Variants in MET observed in about 807,000 individuals in gnomAD.
MET encodes MET proto-oncogene, receptor tyrosine kinase.
A neutral mutation model predicts 133.1 loss-of-function variants in MET; 48 were observed. The ratio of observed to expected loss-of-function variants is 0.36; its 90% CI spans 0.29 to 0.46. MET has a LOEUF of 0.46. Among genes scored for constraint, MET ranks in the 20% least tolerant of loss-of-function variants. MET has a pLI of 1.00. For synonymous variants in MET, 628 were observed against 616.5 expected (o/e 1.02, Z -0.28); for missense variants, 1,442 against 1,695.9 (o/e 0.85, Z 2.63).
chr7:116,718,164 G>T (rs1187052314), intron 2 of MET, among the ~76,000 whole-genome samples: 1 of 152,118 alleles, frequency 6.6e-6, no homozygotes, highest in Non-Finnish European at 1.5e-5. Context: ...CGAGACAGGT[G>T]GATCACAAGG....
At chr7:116,777,833 T>C (rs988503943) in intron 16 of MET, among the ~76,000 whole-genome samples, 19 of 152,336 alleles carry the variant, frequency 1.2e-4, no homozygotes, top group African/African-American at 4.3e-4. Context: ...CCAGAGGCAT[T>C]ACTATAATTA....
intron 1 of MET, among the ~76,000 whole-genome samples, chr7:116,686,616 A>C (rs1263485653): frequency 6.6e-6 from 1 of 152,218 alleles, no homozygotes; most frequent in Non-Finnish European, 1.5e-5. Context: ...ACCCCAGTAA[A>C]TACTTGTCAA....
At chr7:116,781,837 C>G (rs900572051) in intron 17 of MET, 151 bp from the exon 18 acceptor site, 2 of 638,720 alleles carry the variant, frequency 3.1e-6, no homozygotes. Context: ...CTTGGCCTCT[C>G]AAAGTTCTGG....
At chr7:116,695,954 C>T (rs1796949286) in intron 1 of MET, among the ~76,000 whole-genome samples, 1 of 152,254 alleles carries the variant, frequency 6.6e-6, no homozygotes, top group Non-Finnish European at 1.5e-5. Flanking sequence ...CTCACTACAA[C>T]CTCCGCTTCC....
rs564115135 is a variant in MET, at chr7:116,716,284, GGAGAGAGAGAGAGAGAGA to G, written c.1201-15347_1201-15330del. Among the ~76,000 whole-genome samples, 260 of 38,056 alleles carry G rather than the reference GGAGAGAGAGAGAGAGAGA, an allele frequency of 6.8e-3. 2 individuals carry two copies. The highest frequency in any genetic ancestry group is 0.018 in the African/African-American group (189 of 10,364). 25.0% of individuals were successfully genotyped at this position (38,056 alleles called of 152,430 possible). A position where few individuals can be genotyped will look rare whatever the true frequency, so the allele number is the denominator to read the frequency against. ...AAGCAAGAGGGAAGGAGGGAGAGAGGGAGAGAGAGAGAGAGAGAGAGAGAGAGAGAGAGAGAGAGAGAG... is the reference window on the plus strand; with the variant it reads ...AAGCAAGAGGGAAGGAGGGAGAGAGGGAGAGAGAGAGAGAGAGAGAGAGAG... On this transcript the variant is annotated intron_variant, in intron 2 of 20. Coordinates refer to ENST00000397752, the MANE Select transcript of MET (RefSeq NM_000245.4).
intron 1 of MET, among the ~76,000 whole-genome samples, chr7:116,678,482 T>G (rs761679634): frequency 2.6e-5 from 4 of 152,060 alleles, no homozygotes; most frequent in Non-Finnish European, 5.9e-5. Context: ...GATAAGACCG[T>G]GGAAGATTTC....
Position 116,781,380 on chromosome 7 carries a change from C to T in MET, c.3523-608C>T, listed in dbSNP as rs1280109095. On this transcript the variant is annotated intron_variant, in intron 17 of 20. Coordinates refer to ENST00000397752, the MANE Select transcript of MET (RefSeq NM_000245.4). ...CTCCTGTTCTGTTGGCCTCATCATA[C>T]CTGGAAAATAATAAAACTACATTTT... is the stretch of plus-strand genomic sequence containing the variant. Among the ~76,000 whole-genome samples the T allele has an allele frequency of 1.6e-4, 25 of 152,082 alleles. 1 individual carries two copies. The highest frequency in any genetic ancestry group is 1.6e-3 in the Admixed American group (25 of 15,264).
Position 116,757,551 on chromosome 7 carries a change from T to C in MET, c.1965+12T>C, listed in dbSNP as rs754017864. 2 of 1,613,110 alleles carry C rather than the reference T, an allele frequency of 1.2e-6. No homozygotes were observed. Among genetic ancestry groups the C allele is most frequent in the Non-Finnish European group, 1.7e-6 (2 of 1,179,176 alleles). On this transcript the variant is annotated intron_variant, in intron 7 of 20. Coordinates refer to ENST00000397752, the MANE Select transcript of MET (RefSeq NM_000245.4). ...CATTCTCCTATGTGGTAAGGAAGAT[T>C]CTATCCTATCATGTTTGATTTTTAC...
At chr7:116,756,670 A>G (rs1376206586) in intron 6 of MET, among the ~76,000 whole-genome samples, 3 of 152,318 alleles carry the variant, frequency 2.0e-5, no homozygotes, top group African/African-American at 7.2e-5. Flanking sequence ...AGCCATCACA[A>G]TTTCATTATC....
intron 1 of MET, among the ~76,000 whole-genome samples, chr7:116,691,237 A>G (rs1007205533): frequency 1.3e-5 from 2 of 152,146 alleles, no homozygotes; most frequent in African/African-American, 4.8e-5. Context: ...TCTTATGTAA[A>G]TATTGTAGAA....
chr7:116,726,279 C>T (rs1792783038), intron 2 of MET, among the ~76,000 whole-genome samples: 1 of 148,288 alleles, frequency 6.7e-6, no homozygotes, highest in Non-Finnish European at 1.5e-5. Flanking sequence ...ATTCCTCCCC[C>T]TCCTGGAAAA....
intron 8 of MET, 76 bp downstream of exon 8, chr7:116,757,850 TTGTG>T (rs745861246): frequency 1.8e-5 from 27 of 1,501,264 alleles, no homozygotes; most frequent in Non-Finnish European, 2.4e-5. Flanking sequence ...GCAGATTGTT[TTGTG>T]TGTGTGTGTG....
At chr7:116,707,298 A>G (rs1791835501) in intron 2 of MET, among the ~76,000 whole-genome samples, 2 of 152,132 alleles carry the variant, frequency 1.3e-5, no homozygotes, top group Non-Finnish European at 1.5e-5. Flanking sequence ...AACAAAAAAA[A>G]ACCATTGTGA....
chr7:116,683,331 T>C (rs1796430639), intron 1 of MET, among the ~76,000 whole-genome samples: 1 of 152,230 alleles, frequency 6.6e-6, no homozygotes, highest in Non-Finnish European at 1.5e-5. Flanking sequence ...TGTTCCTTTG[T>C]TAGTTTGCTA....
In MET at chr7:116,699,292, A is replaced by T; in HGVS notation, c.208A>T (p.Ile70Phe). The change falls in exon 2 of 21, where the codon ATT becomes TTT. Residue 70 changes from isoleucine (I) to phenylalanine (F), a missense_variant. By Grantham distance (21) the Ile-to-Phe change is conservative. This residue lies in a region of MET where 762 missense variants were observed against 792.4 expected (regional missense o/e 0.96). Transcript: ENST00000397752. ...HHIFLGATNY[I>F]YVLNEEDLQK... Reference sequence around the variant, plus strand: ...CATTTTCCTTGGTGCCACTAACTACATTTATGTTTTAAATGAGGAAGACCT... The same window carrying T: ...CATTTTCCTTGGTGCCACTAACTACTTTTATGTTTTAAATGAGGAAGACCT... 6.2e-7 allele frequency: 1 copy of T among 1,614,000 alleles called. No homozygotes were observed. The highest frequency in any genetic ancestry group is 8.5e-7 in the Non-Finnish European group (1 of 1,179,948).
Position 116,700,039 on chromosome 7 carries a change from G to T in MET, c.955G>T (p.Ala319Ser), listed in dbSNP as rs545332056. The change falls in exon 2 of 21, where the codon GCT becomes TCT. Residue 319 changes from alanine (A) to serine (S), a missense_variant. Coordinates refer to ENST00000397752, the MANE Select transcript of MET (RefSeq NM_000245.4). ...GAAGGAAGTGTTTAATATACTTCAG[G>T]CTGCGTATGTCAGCAAGCCTGGGGC... ...TKKEVFNILQAAYVSKPGAQL... is the reference protein window; with the variant it reads ...TKKEVFNILQSAYVSKPGAQL... The T allele has an allele frequency of 1.1e-5, 17 of 1,613,862 alleles. No homozygotes were observed. In the South Asian group the frequency reaches 1.6e-4, roughly 16 times the overall value.
chr7:116,731,787 A>G lies in MET; in HGVS notation c.1320A>G (p.Thr440=), dbSNP rs763726060. 25 of 1,614,008 alleles carry G rather than the reference A, an allele frequency of 1.5e-5. No individual in the cohort carries two copies. The East Asian group carries it at 5.1e-4, about 33-fold the overall frequency. Residue 440 remains threonine, a synonymous_variant, in exon 3 of 21, where the codon ACA becomes ACG. Transcript: ENST00000397752. ...FMGQFSEVLL[T]SISTFIKGDL... is the part of the protein sequence containing the mutation. ...GTCAATTCAGCGAAGTCCTCTTAAC[A>G]TCTATATCCACCTTCATTAAAGGAG...
At chr7:116,742,117 C>T (rs1314471932) in intron 5 of MET, among the ~76,000 whole-genome samples, 1 of 152,180 alleles carries the variant, frequency 6.6e-6, no homozygotes, top group Non-Finnish European at 1.5e-5. Context: ...TTAAAGGTCT[C>T]GGTCACCTGG....
At chr7:116,784,976 GA>G (rs1468858960) in intron 19 of MET, among the ~76,000 whole-genome samples, 7 of 152,260 alleles carry the variant, frequency 4.6e-5, no homozygotes. Flanking sequence ...CCAAACGGGA[GA>G]AATTGGCCAA....
Sources: allele counts gnomAD v4.1 joint callset (sites outside exome capture counted in the v4.1 genomes callset), GRCh38; gene constraint gnomAD v4.1.1; regional missense constraint gnomAD v4.1.1; transcripts MANE v1.5; gene names NCBI Gene and HGNC (gene_info 2026-07-23, HGNC 2026-07-21).